Variants in MAGI1 observed in about 807,000 individuals in gnomAD.
MAGI1 encodes membrane associated guanylate kinase, WW and PDZ domain containing 1, also known as membrane-associated guanylate kinase, WW and PDZ domain-containing protein 1.
In MAGI1, 58 loss-of-function variants were observed where a neutral mutation model predicts 139.9. The ratio of observed to expected loss-of-function variants is 0.41; its 90% CI spans 0.34 to 0.52. The LOEUF is 0.52. Ranked by LOEUF, MAGI1 falls within the 20% of genes least tolerant of loss-of-function variation. The probability of loss-of-function intolerance (pLI) is 0.12; values close to 1 mark genes in which losing one functional copy is unlikely to be tolerated. For missense variants in MAGI1, 1,874 were observed against 1,901.6 expected (o/e 0.99, Z 0.27); for synonymous variants, 812 against 737.9 (o/e 1.10, Z -1.63).
At chr3:65,866,719 G>C (rs1304762578) in intron 1 of MAGI1, among the ~76,000 whole-genome samples, 1 of 152,032 alleles carries the variant, frequency 6.6e-6, no homozygotes, top group Non-Finnish European at 1.5e-5. Flanking sequence ...CCTCATCCCA[G>C]AGGTCTAAAC....
chr3:65,499,560 T>A (rs905185231), intron 2 of MAGI1, among the ~76,000 whole-genome samples: 1 of 151,916 alleles, frequency 6.6e-6, no homozygotes, highest in Non-Finnish European at 1.5e-5. Context: ...GAGGCAGAGG[T>A]TGCAGTGAGC....
In MAGI1 at chr3:65,464,397, C is replaced by T. The variant is rs1375703099; in HGVS notation, c.959+5886G>A. On this transcript the variant is annotated intron_variant, in intron 5 of 22. Transcript: ENST00000402939. ...AGTGCTGTAAATTTACCTCTCATCA[C>T]TGCCTTGGCTGTGTCCCACCTATTT... Among the ~76,000 whole-genome samples, 4 of 152,268 alleles carry T rather than the reference C, an allele frequency of 2.6e-5. No individual in the cohort carries two copies. In the East Asian group the frequency reaches 5.8e-4, roughly 22 times the overall value.
At chr3:65,568,954 C>T (rs1230905189) in intron 2 of MAGI1, among the ~76,000 whole-genome samples, 1 of 152,106 alleles carries the variant, frequency 6.6e-6, no homozygotes, top group Non-Finnish European at 1.5e-5. Context: ...AAATAGCAGC[C>T]CATGTGCTAA....
intron 1 of MAGI1, among the ~76,000 whole-genome samples, chr3:65,790,802 C>G (rs753668454): frequency 6.6e-6 from 1 of 152,188 alleles, no homozygotes; most frequent in Admixed American, 6.6e-5. Context: ...CAGGCTGGCA[C>G]GGTGACTCAT....
At chr3:65,484,272 G>A (rs1256164642) in intron 3 of MAGI1, among the ~76,000 whole-genome samples, 6 of 152,204 alleles carry the variant, frequency 3.9e-5, no homozygotes, top group Middle Eastern at 3.4e-3. Context: ...TGGCAGAAAC[G>A]CCTGCCATGG....
At position 65,928,291 on chromosome 3, in the gene MAGI1, T is replaced by C. The variant is rs114087984; in HGVS notation, c.313+109705A>G. Among the ~76,000 whole-genome samples the C allele has an allele frequency of 3.6e-3, 547 of 152,316 alleles. 5 individuals carry two copies. Among genetic ancestry groups the C allele is most frequent in the African/African-American group, 0.012 (507 of 41,558 alleles). Reference sequence around the variant, plus strand: ...GAGGGAGCATTTATACAAAGGAAATTGGCAAACACTACAATCAGTGCTCCC... The same window carrying C: ...GAGGGAGCATTTATACAAAGGAAATCGGCAAACACTACAATCAGTGCTCCC... On this transcript the variant is annotated intron_variant, in intron 1 of 22. Coordinates refer to ENST00000402939, the MANE Select transcript of MAGI1 (RefSeq NM_001033057.2).
At chr3:65,852,763 A>G (rs940325223) in intron 1 of MAGI1, among the ~76,000 whole-genome samples, 1 of 151,954 alleles carries the variant, frequency 6.6e-6, no homozygotes, top group African/African-American at 2.4e-5. Context: ...TAGGCCTCCC[A>G]AAGTACTTGG....
chr3:65,382,336 T>G (rs11720037), intron 15 of MAGI1, among the ~76,000 whole-genome samples: 5,431 of 152,314 alleles, frequency 0.036, 134 homozygotes, highest in South Asian at 0.056. Flanking sequence ...CAGATATAAA[T>G]TACTTTTCTC....
intron 2 of MAGI1, among the ~76,000 whole-genome samples, chr3:65,497,234 A>T (rs189834339): frequency 2.0e-5 from 3 of 152,284 alleles, no homozygotes; most frequent in Admixed American, 2.0e-4. Flanking sequence ...ATCTACAGAG[A>T]GAGTTTAGGG....
At chr3:65,692,129 T>C (rs1007191538) in intron 1 of MAGI1, among the ~76,000 whole-genome samples, 1 of 152,134 alleles carries the variant, frequency 6.6e-6, no homozygotes, top group East Asian at 1.9e-4. Flanking sequence ...AAATGTGATC[T>C]GGACATTCCT....
At chr3:65,953,939 G>A (rs1047376961) in intron 1 of MAGI1, among the ~76,000 whole-genome samples, 1 of 152,124 alleles carries the variant, frequency 6.6e-6, no homozygotes, top group Non-Finnish European at 1.5e-5. Context: ...CCTTTTAAAA[G>A]GTTTCTTGGA....
At chr3:65,917,262 C>T (rs149658493) in intron 1 of MAGI1, among the ~76,000 whole-genome samples, 127 of 152,272 alleles carry the variant, frequency 8.3e-4, no homozygotes, top group African/African-American at 2.9e-3. Flanking sequence ...CACTACACAC[C>T]TATTAGCAAA....
At position 65,792,875 on chromosome 3, in the gene MAGI1, T is replaced by C. The variant is rs1025514749; in HGVS notation, c.314-170787A>G. Among the ~76,000 whole-genome samples the C allele has an allele frequency of 3.3e-5, 5 of 152,100 alleles. No homozygotes were observed. The East Asian group carries it at 5.8e-4, about 18-fold the overall frequency. ...ACACCACGGAAAGCAAAACCATGGA[T>C]TGGCGCGGGGGAGGGCAGGCGCTAC... On this transcript the variant is annotated intron_variant, in intron 1 of 22. Transcript: ENST00000402939.
chr3:66,013,546 G>C (rs532752705), intron 1 of MAGI1, among the ~76,000 whole-genome samples: 5 of 151,944 alleles, frequency 3.3e-5, no homozygotes, highest in African/African-American at 1.2e-4. Flanking sequence ...CGGATCACGA[G>C]ATCAGGAGAC....
chr3:66,037,315 G>C (rs2068980306), intron 1 of MAGI1, among the ~76,000 whole-genome samples: 1 of 152,132 alleles, frequency 6.6e-6, no homozygotes, highest in Non-Finnish European at 1.5e-5. Context: ...CAATAATGAC[G>C]ATGATGGTGG....
chr3:65,504,763 T>C (rs1337727868), intron 2 of MAGI1, among the ~76,000 whole-genome samples: 1 of 152,230 alleles, frequency 6.6e-6, no homozygotes, highest in East Asian at 1.9e-4. Context: ...TATGTCTTAC[T>C]GCCTCTTAAC....
At chr3:65,933,471 T>G (rs933555661) in intron 1 of MAGI1, among the ~76,000 whole-genome samples, 1 of 152,160 alleles carries the variant, frequency 6.6e-6, no homozygotes, top group African/African-American at 2.4e-5. Flanking sequence ...CAGCTAGCCT[T>G]CCCCAGAGTG....
chr3:65,765,205 T>C (rs1337704226), intron 1 of MAGI1, among the ~76,000 whole-genome samples: 1 of 152,196 alleles, frequency 6.6e-6, no homozygotes, highest in Non-Finnish European at 1.5e-5. Flanking sequence ...TCAACTGTTG[T>C]AGAATAAAAA....
chr3:65,556,227 C>T (rs192982056), intron 2 of MAGI1, among the ~76,000 whole-genome samples: 4 of 152,266 alleles, frequency 2.6e-5, no homozygotes, highest in African/African-American at 9.6e-5. Flanking sequence ...AAAAGAAACA[C>T]CAAGAAATCT....
Sources: gnomAD v4.1 joint callset for allele counts (sites outside exome capture counted in the v4.1 genomes callset) on GRCh38, gnomAD v4.1.1 for gene constraint, MANE v1.5 for transcripts, NCBI Gene and HGNC (gene_info 2026-07-23, HGNC 2026-07-21) for gene names.